Variants in SYT10 observed in about 807,000 individuals in gnomAD.
SYT10 encodes synaptotagmin 10, also known as synaptotagmin-10.
Under a neutral mutation model 51.1 loss-of-function variants are expected in SYT10, and 31 were observed. That is an observed-to-expected ratio of 0.61 (90% CI 0.46 to 0.82). The LOEUF (loss-of-function observed/expected upper bound fraction) is 0.82. SYT10 is among the 40% of genes least tolerant of loss of function. The pLI is 0.00. For missense variants in SYT10, 603 were observed against 634.0 expected (o/e 0.95, Z 0.53); for synonymous variants, 233 against 225.9 (o/e 1.03, Z -0.28).
intron 3 of SYT10, among the ~76,000 whole-genome samples, chr12:33,393,098 CT>C (rs1866224453): frequency 6.7e-6 from 1 of 150,064 alleles, no homozygotes; most frequent in Non-Finnish European, 1.5e-5. Flanking sequence ...CAACCATGGA[CT>C]TTAGCTATCA....
rs139039711 is a variant in SYT10, at chr12:33,430,102, A to G, written c.152-3607T>C. ...TAATGAAATAAACAGAAATTAGATTAGGCTCTGAGATAATTAGGTTTAAAA... is the reference window on the plus strand; with the variant it reads ...TAATGAAATAAACAGAAATTAGATTGGGCTCTGAGATAATTAGGTTTAAAA... On this transcript the variant is annotated intron_variant, in intron 1 of 6. Transcript: ENST00000228567. Among the ~76,000 whole-genome samples, 886 of 152,344 alleles carry G rather than the reference A, an allele frequency of 5.8e-3. 6 individuals carry two copies. The highest frequency in any genetic ancestry group is 0.02 in the African/African-American group (841 of 41,586).
chr12:33,375,556 C>T lies in SYT10; in HGVS notation c.*1274G>A, dbSNP rs1309018616. On this transcript the variant is annotated 3_prime_UTR_variant, in exon 7 of 7. Coordinates refer to ENST00000228567, the MANE Select transcript of SYT10 (RefSeq NM_198992.4). ...TGAAAATGGGACAAAATATGTTGAC[C>T]TGACTTAAAAGAAAGTTCTGTCTTG... The T allele has an allele frequency of 2.6e-5, 4 of 151,866 alleles. No individual in the cohort carries two copies. The highest frequency in any genetic ancestry group is 5.9e-5 in the Non-Finnish European group (4 of 67,956). The allele number at this position is 151,866 out of a possible 1,614,324, so 9.4% of individuals were successfully genotyped here.
At chr12:33,417,595 G>A (rs1035011969) in intron 2 of SYT10, among the ~76,000 whole-genome samples, 2 of 152,244 alleles carry the variant, frequency 1.3e-5, no homozygotes, top group African/African-American at 4.8e-5. Context: ...AAGATTGAGA[G>A]GGAAAACAGA....
intron 1 of SYT10, among the ~76,000 whole-genome samples, chr12:33,437,226 G>A (rs920928604): frequency 6.6e-6 from 1 of 152,140 alleles, no homozygotes; most frequent in African/African-American, 2.4e-5. Context: ...CCTAGTAATA[G>A]CCAATAAATA....
intron 3 of SYT10, among the ~76,000 whole-genome samples, chr12:33,389,357 G>T (rs1194531144): frequency 6.6e-6 from 1 of 152,074 alleles, no homozygotes; most frequent in African/African-American, 2.4e-5. Context: ...ACCTCCCTGA[G>T]CTTGAGTTTA....
At chr12:33,426,961 T>C (rs10844599) in intron 1 of SYT10, among the ~76,000 whole-genome samples, 20,315 of 152,206 alleles carry the variant, frequency 0.13, 1,590 homozygotes, top group African/African-American at 0.19. Flanking sequence ...TAAATGAGAA[T>C]AACACATTAC....
chr12:33,418,259 G>A (rs1866472060), intron 2 of SYT10, among the ~76,000 whole-genome samples: 1 of 152,074 alleles, frequency 6.6e-6, no homozygotes, highest in African/African-American at 2.4e-5. Context: ...TTGGCTTCCA[G>A]GTTCCGCCCT....
At chr12:33,399,766 A>T (rs1473180527) in intron 3 of SYT10, among the ~76,000 whole-genome samples, 1 of 152,210 alleles carries the variant, frequency 6.6e-6, no homozygotes, top group Non-Finnish European at 1.5e-5. Flanking sequence ...CTGAAGTTAA[A>T]TTTAATTTTA....
intron 1 of SYT10, 31 bp downstream of exon 1, chr12:33,439,341 G>T (rs777592567): frequency 6.3e-7 from 1 of 1,596,956 alleles, no homozygotes; most frequent in South Asian, 1.1e-5. Context: ...CCAGCGGAGC[G>T]CGAGGACGCG....
intron 3 of SYT10, among the ~76,000 whole-genome samples, chr12:33,398,375 T>C (rs910297242): frequency 2.0e-5 from 3 of 151,458 alleles, no homozygotes; most frequent in African/African-American, 7.3e-5. Flanking sequence ...TAGCCGAGCG[T>C]GGTGGTGGGC....
chr12:33,399,486 G>A (rs1033939137), intron 3 of SYT10, among the ~76,000 whole-genome samples: 2 of 152,102 alleles, frequency 1.3e-5, no homozygotes, highest in African/African-American at 4.8e-5. Context: ...TTTTATAGCC[G>A]CTTACCTACA....
At chr12:33,414,123 A>G (rs1397112735) in intron 2 of SYT10, among the ~76,000 whole-genome samples, 1 of 152,222 alleles carries the variant, frequency 6.6e-6, no homozygotes, top group Non-Finnish European at 1.5e-5. Context: ...CAATTCAACA[A>G]GAAGAGCTAA....
At chr12:33,438,227 T>C (rs1235052789) in intron 1 of SYT10, among the ~76,000 whole-genome samples, 1 of 152,206 alleles carries the variant, frequency 6.6e-6, no homozygotes, top group Non-Finnish European at 1.5e-5. Context: ...GTCCAGCTCT[T>C]GTTGCCCTGA....
At chr12:33,434,399 A>G (rs1866620953) in intron 1 of SYT10, among the ~76,000 whole-genome samples, 1 of 152,248 alleles carries the variant, frequency 6.6e-6, no homozygotes, top group South Asian at 2.1e-4. Context: ...AGATGTATAC[A>G]ATTTAGTTGC....
At chr12:33,390,826 T>C (rs1415519274) in intron 3 of SYT10, among the ~76,000 whole-genome samples, 1 of 152,232 alleles carries the variant, frequency 6.6e-6, no homozygotes, top group Non-Finnish European at 1.5e-5. Flanking sequence ...GGCTTATATG[T>C]GATTTTGGAC....
rs1175411695 is a variant in SYT10, at chr12:33,415,386, C to T, written c.510-8030G>A. ...AGGCTTCCTGGGGATGCAGAGACAG[C>T]TCAAAGTCATTTCTATGTGAGCATG... On this transcript the variant is annotated intron_variant, in intron 2 of 6. Coordinates refer to ENST00000228567, the MANE Select transcript of SYT10 (RefSeq NM_198992.4). Among the ~76,000 whole-genome samples the T allele has an allele frequency of 2.0e-5, 3 of 152,132 alleles. No individual in the cohort carries two copies. The East Asian group carries it at 5.8e-4, about 29-fold the overall frequency.
chr12:33,432,214 T>C (rs1866603293), intron 1 of SYT10: 1 of 152,138 alleles, frequency 6.6e-6, no homozygotes, highest in African/African-American at 2.4e-5. Flanking sequence ...ATAGTTTATT[T>C]GGCAACATTC....
rs368379338 is a variant in SYT10, at chr12:33,385,178, G to A, written c.1191C>T (p.Gly397=). Residue 397 remains glycine, a synonymous_variant, in exon 4 of 7, where the codon GGC becomes GGT. Transcript: ENST00000228567. ...TGGCCATTGTGTACATACCTGATGA[G>A]CCAGTAATATCCATCGCCTTCAGAT... is the stretch of plus-strand genomic sequence containing the variant. ...CRNLKAMDIT[G]SSDPYVKVSL... is the part of the protein sequence containing the mutation. The A allele has an allele frequency of 2.5e-5, 41 of 1,613,484 alleles. No homozygotes were observed. The highest frequency in any genetic ancestry group is 3.4e-5 in the Non-Finnish European group (40 of 1,179,672).
intron 1 of SYT10, among the ~76,000 whole-genome samples, chr12:33,433,077 A>C: frequency 6.6e-6 from 1 of 152,268 alleles, no homozygotes; most frequent in South Asian, 2.1e-4. Context: ...AAGAAAAAGA[A>C]AATTACCCTA....
Sources: gnomAD v4.1 joint callset for allele counts (sites outside exome capture counted in the v4.1 genomes callset) on GRCh38, gnomAD v4.1.1 for gene constraint, MANE v1.5 for transcripts, NCBI Gene and HGNC (gene_info 2026-07-23, HGNC 2026-07-21) for gene names.